LIPH: variants seen among roughly 807,000 people sequenced by gnomAD.
LIPH encodes lipase member H.
A neutral mutation model predicts 47.6 loss-of-function variants in LIPH; 32 were observed. The observed-to-expected ratio is 0.67, with a 90% CI of 0.51 to 0.90. The LOEUF is 0.90. Ranked by LOEUF, LIPH falls within the 40% of genes least tolerant of loss-of-function variation. The pLI, the probability that LIPH is intolerant of heterozygous loss-of-function variation, is 0.00. For missense variants in LIPH, 497 were observed against 541.4 expected, an observed-to-expected ratio of 0.92 and a Z score of 0.81; for synonymous variants, 190 against 195.6, an observed-to-expected ratio of 0.97 and a Z score of 0.24.
chr3:185,509,299 AG>A (rs1055771897), intron 9 of LIPH, among the ~76,000 whole-genome samples: 1 of 151,504 alleles, frequency 6.6e-6, no homozygotes, highest in African/African-American at 2.4e-5. Context: ...AAAAAAAGAA[AG>A]AAAATGCTTA....
At chr3:185,538,010 T>C (rs1423809752) in intron 1 of LIPH, among the ~76,000 whole-genome samples, 3 of 152,168 alleles carry the variant, frequency 2.0e-5, no homozygotes, top group East Asian at 1.9e-4. Context: ...TTTCGCTATG[T>C]TGTCCAGGCT....
In LIPH at chr3:185,549,261, A is replaced by G. The variant is rs1405144898; in HGVS notation, c.49+3162T>C. Reference sequence around the variant, plus strand: ...TAACCACTGGCTGTGTTTCTTTAGGATGCAACCGAGAAAATAAATGAGATG... The same window carrying G: ...TAACCACTGGCTGTGTTTCTTTAGGGTGCAACCGAGAAAATAAATGAGATG... On this transcript the variant is annotated intron_variant, in intron 1 of 9. Coordinates refer to ENST00000296252, the MANE Select transcript of LIPH (RefSeq NM_139248.3). 6.6e-5 allele frequency among the ~76,000 whole-genome samples: 10 copies of G among 152,296 alleles called. No homozygotes were observed. The East Asian group carries it at 1.9e-3, about 29-fold the overall frequency.
At chr3:185,533,485 C>G in intron 3 of LIPH, 86 bp downstream of exon 3, 1 of 876,528 alleles carries the variant, frequency 1.1e-6, no homozygotes. Context: ...GGCTTTGAAC[C>G]CAAGGAGTTG....
chr3:185,545,072 A>G (rs1446521886), intron 1 of LIPH, among the ~76,000 whole-genome samples: 1 of 152,208 alleles, frequency 6.6e-6, no homozygotes, highest in Non-Finnish European at 1.5e-5. Flanking sequence ...CAGAGCACAT[A>G]TAACCAGTGA....
At chr3:185,524,734 C>T (rs904734889) in intron 4 of LIPH, among the ~76,000 whole-genome samples, 2 of 152,182 alleles carry the variant, frequency 1.3e-5, no homozygotes, top group Non-Finnish European at 2.9e-5. Context: ...CAGGCATGAG[C>T]CATTGCGCCT....
Position 185,506,273 on chromosome 3 carries a change from C to A in LIPH, c.*2517G>T, listed in dbSNP as rs1286101562. The A allele has an allele frequency of 6.6e-6, 1 of 152,174 alleles. No homozygotes were observed. The highest frequency in any genetic ancestry group is 1.5e-5 in the Non-Finnish European group (1 of 68,020). 9.4% of individuals were successfully genotyped at this position (152,174 alleles called of 1,614,324 possible). ...GAGAACAGAGTGGCCACAGTTATAACTGCCTTTATTTCTCCTGATCACTGT... is the reference window on the plus strand; with the variant it reads ...GAGAACAGAGTGGCCACAGTTATAAATGCCTTTATTTCTCCTGATCACTGT... On this transcript the variant is annotated 3_prime_UTR_variant, in exon 10 of 10. Coordinates refer to ENST00000296252, the MANE Select transcript of LIPH (RefSeq NM_139248.3).
At chr3:185,551,831 T>C (rs1436472546) in intron 1 of LIPH, among the ~76,000 whole-genome samples, 2 of 152,142 alleles carry the variant, frequency 1.3e-5, no homozygotes, top group Non-Finnish European at 2.9e-5. Flanking sequence ...AGCATTTCAC[T>C]TTATTTTTGT....
At chr3:185,531,849 T>C (rs1720340963) in intron 3 of LIPH, among the ~76,000 whole-genome samples, 1 of 152,212 alleles carries the variant, frequency 6.6e-6, no homozygotes, top group Non-Finnish European at 1.5e-5. Flanking sequence ...TTTTGTTTAC[T>C]GTTTTTTTGA....
chr3:185,527,397 G>A, intron 4 of LIPH, 87 bp downstream of exon 4: 1 of 932,414 alleles, frequency 1.1e-6, no homozygotes, highest in Non-Finnish European at 1.8e-6. Context: ...AGAGGAACCT[G>A]ATCTGCTCCT....
At chr3:185,543,919 C>T (rs1245414810) in intron 1 of LIPH, among the ~76,000 whole-genome samples, 1 of 148,318 alleles carries the variant, frequency 6.7e-6, no homozygotes, top group African/African-American at 2.5e-5. Context: ...GGCATGGTCT[C>T]GGCTCACTGT....
intron 2 of LIPH, among the ~76,000 whole-genome samples, chr3:185,534,412 A>G (rs1402839154): frequency 6.6e-6 from 1 of 152,148 alleles, no homozygotes; most frequent in Non-Finnish European, 1.5e-5. Context: ...AATCCTAGAC[A>G]GAACCTCTCC....
intron 1 of LIPH, among the ~76,000 whole-genome samples, chr3:185,542,802 A>G (rs948582479): frequency 1.3e-5 from 2 of 152,214 alleles, no homozygotes; most frequent in African/African-American, 4.8e-5. Context: ...AACGGATGAA[A>G]TCATCTCTTT....
intron 3 of LIPH, among the ~76,000 whole-genome samples, chr3:185,527,891 G>A (rs1720161161): frequency 6.6e-6 from 1 of 150,434 alleles, no homozygotes; most frequent in Non-Finnish European, 1.5e-5. Flanking sequence ...GGGGATAAAC[G>A]GGCGGTCCCC....
At chr3:185,548,650 C>A (rs537041279) in intron 1 of LIPH, among the ~76,000 whole-genome samples, 63 of 151,994 alleles carry the variant, frequency 4.1e-4, no homozygotes, top group African/African-American at 1.5e-3. Context: ...TCACTTGAAC[C>A]TGGGAGGCAG....
chr3:185,529,288 G>C lies in LIPH; in HGVS notation c.527-1703C>G, dbSNP rs182955182. Among the ~76,000 whole-genome samples the C allele has an allele frequency of 6.6e-5, 10 of 150,568 alleles. No homozygotes were observed. The East Asian group carries it at 1.8e-3, about 27-fold the overall frequency. On this transcript the variant is annotated intron_variant, in intron 3 of 9. Coordinates refer to ENST00000296252, the MANE Select transcript of LIPH (RefSeq NM_139248.3). ...CAGATCCCTACCTGGAGTGAAGAAGGCTTCAAGGGAAGTCTCCCTTGAAGT... is the reference window on the plus strand; with the variant it reads ...CAGATCCCTACCTGGAGTGAAGAAGCCTTCAAGGGAAGTCTCCCTTGAAGT...
intron 7 of LIPH, 55 bp from the exon 8 acceptor site, chr3:185,514,576 G>T: frequency 1.3e-6 from 1 of 792,994 alleles, no homozygotes; most frequent in East Asian, 2.4e-5. Flanking sequence ...CTGATCCCCT[G>T]AAGGGCTGGT....
chr3:185,533,586 G>A lies in LIPH; in HGVS notation c.511C>T (p.Leu171=). The A allele has an allele frequency of 6.2e-7, 1 of 1,611,760 alleles. No homozygotes were observed. The highest frequency in any genetic ancestry group is 8.5e-7 in the Non-Finnish European group (1 of 1,177,942). The change falls in exon 3 of 10, where the codon CTG becomes TTG. Residue 171 remains leucine (L), a synonymous_variant. Coordinates refer to ENST00000296252, the MANE Select transcript of LIPH (RefSeq NM_139248.3). ...AGGCACTTACCTGTAATTCTCCCCA[G>A]CCATCCATCGTACATCTCTCCAACA... ...GFVGEMYDGW[L]GRITGLDPAG... is the part of the protein sequence containing the mutation.
chr3:185,526,023 T>C lies in LIPH; in HGVS notation c.628+1461A>G, dbSNP rs538415727. 2.0e-5 allele frequency among the ~76,000 whole-genome samples: 3 copies of C among 152,166 alleles called. No individual in the cohort carries two copies. The East Asian group carries it at 5.8e-4, about 30-fold the overall frequency. On this transcript the variant is annotated intron_variant, in intron 4 of 9. Coordinates refer to ENST00000296252, the MANE Select transcript of LIPH (RefSeq NM_139248.3). ...GACATCTGGATATAGGTACCCATCCTTGAGTATCACCCAACCCCACATGAC... is the reference window on the plus strand; with the variant it reads ...GACATCTGGATATAGGTACCCATCCCTGAGTATCACCCAACCCCACATGAC...
chr3:185,543,731 C>G (rs1720784170), intron 1 of LIPH, among the ~76,000 whole-genome samples: 1 of 152,062 alleles, frequency 6.6e-6, no homozygotes, highest in African/African-American at 2.4e-5. Context: ...TTGTAATTAT[C>G]TTCTGAAACC....
Sources: allele counts gnomAD v4.1 joint callset (sites outside exome capture counted in the v4.1 genomes callset), GRCh38; gene constraint gnomAD v4.1.1; transcripts MANE v1.5; gene names NCBI Gene and HGNC (gene_info 2026-07-23, HGNC 2026-07-21).